The following DMD variants were observed in gnomAD, a reference collection of about 807,000 sequenced individuals.
DMD encodes the protein dystrophin.
Under a neutral mutation model 330.1 loss-of-function variants are expected in DMD, and 63 were observed. That is an observed-to-expected ratio of 0.19 (90% CI 0.16 to 0.24). DMD has a LOEUF of 0.24. DMD is among the 10% of genes least tolerant of loss of function. The probability of loss-of-function intolerance (pLI) is 1.00; values close to 1 mark genes in which losing one functional copy is unlikely to be tolerated. For synonymous variants in DMD, 1,223 were observed against 959.8 expected (o/e 1.27, Z -5.07); for missense variants, 3,344 against 2,684.1 (o/e 1.25, Z -5.43).
rs181482118 is a variant in DMD, at chrX:33,197,437, C to T, written c.31+13845G>A. The stretch of plus-strand genomic sequence containing the variant: ...GATAGACAAGTATGCACTTGTGTGA[C>T]TCTGGTGTGTGTGTGTGTGTGTTTG... On this transcript the variant is annotated intron_variant, in intron 1 of 78. Coordinates refer to ENST00000357033, the MANE Select transcript of DMD (RefSeq NM_004006.3). Among the ~76,000 whole-genome samples the T allele has an allele frequency of 4.2e-4, 46 of 110,777 alleles. No homozygotes were observed. The East Asian group carries it at 0.012, about 29-fold the overall frequency.
chrX:33,212,562 GAC>G (rs751121075), upstream of DMD, among the ~76,000 whole-genome samples: 1 of 111,686 alleles, frequency 9.0e-6, no homozygotes, highest in South Asian at 3.7e-4. Context: ...TTGTTAAAGT[GAC>G]AGACTCATTT....
chrX:33,042,873 C>A (rs2094323866), intron 1 of DMD, among the ~76,000 whole-genome samples: 3 of 111,628 alleles, frequency 2.7e-5, no homozygotes, highest in African/African-American at 9.8e-5. Context: ...CTGAAACACA[C>A]AACTTGGATG....
chrX:32,533,407 T>A (rs2047657331), intron 17 of DMD, among the ~76,000 whole-genome samples: 1 of 112,054 alleles, frequency 8.9e-6, no homozygotes, highest in South Asian at 3.7e-4. Context: ...TTTGTTCGCA[T>A]ACAGGCTTTC....
intron 7 of DMD, among the ~76,000 whole-genome samples, chrX:32,709,609 T>A (rs950990852): frequency 2.7e-5 from 3 of 111,042 alleles, no homozygotes; most frequent in African/African-American, 9.8e-5. Context: ...CCGAAGGCCA[T>A]TTTACACCTC....
chrX:31,830,139 G>A (rs2092989226), intron 49 of DMD, among the ~76,000 whole-genome samples: 1 of 112,566 alleles, frequency 8.9e-6, no homozygotes, highest in African/African-American at 3.2e-5. Context: ...ATTAAAAAGG[G>A]AGGCAAAGAA....
At chrX:31,739,071 A>T (rs997516659) in intron 51 of DMD, among the ~76,000 whole-genome samples, 1 of 111,875 alleles carries the variant, frequency 8.9e-6, no homozygotes, top group Admixed American at 9.5e-5. Flanking sequence ...ATTTTACATT[A>T]ATTAAAAGAG....
chrX:31,318,884 G>A (rs184681794), intron 62 of DMD, among the ~76,000 whole-genome samples: 109 of 112,100 alleles, frequency 9.7e-4, no homozygotes, highest in Middle Eastern at 4.7e-3. Context: ...CAACCACAGC[G>A]TCTTTGAAGG....
At chrX:32,352,843 C>T (rs1441563606) in intron 37 of DMD, among the ~76,000 whole-genome samples, 4 of 110,203 alleles carry the variant, frequency 3.6e-5, no homozygotes, top group Non-Finnish European at 7.6e-5. Flanking sequence ...TGTATCTCAG[C>T]TTGTGTTGCA....
At chrX:31,838,486 GTTAAC>G (rs2093252487) in intron 48 of DMD, among the ~76,000 whole-genome samples, 1 of 111,820 alleles carries the variant, frequency 8.9e-6, no homozygotes, top group African/African-American at 3.2e-5. Context: ...AAACTGACAA[GTTAAC>G]TTAAAGCACT....
intron 44 of DMD, among the ~76,000 whole-genome samples, chrX:32,036,050 G>C (rs764030049): frequency 9.0e-6 from 1 of 111,657 alleles, no homozygotes; most frequent in Non-Finnish European, 1.9e-5. Flanking sequence ...AGTGTGTTAG[G>C]GGGAGTAGAC....
At chrX:31,973,456 A>G (rs113775675) in intron 44 of DMD, among the ~76,000 whole-genome samples, 1,562 of 110,904 alleles carry the variant, frequency 0.014, 34 homozygotes, top group African/African-American at 0.049. Context: ...GAGAAGGACA[A>G]GAATCCAGTC....
intron 44 of DMD, among the ~76,000 whole-genome samples, chrX:31,974,365 T>A: frequency 9.0e-6 from 1 of 111,250 alleles, no homozygotes; most frequent in East Asian, 2.8e-4. Flanking sequence ...AACCTCAGCA[T>A]CATGCGCTAT....
At chrX:31,723,090 T>C (rs2085704156) in intron 52 of DMD, among the ~76,000 whole-genome samples, 1 of 107,382 alleles carries the variant, frequency 9.3e-6, no homozygotes, top group African/African-American at 3.4e-5. Flanking sequence ...TGCTTCTATA[T>C]TGTAAGTTGG....
At chrX:32,847,285 C>G (rs1372784997) in intron 3 of DMD, among the ~76,000 whole-genome samples, 1 of 111,737 alleles carries the variant, frequency 8.9e-6, no homozygotes, top group Non-Finnish European at 1.9e-5. Flanking sequence ...ATAGTCTACT[C>G]TTTTAAAAAG....
chrX:33,276,292 T>G (rs1310899980), intron 1 of DMD, among the ~76,000 whole-genome samples: 4 of 111,159 alleles, frequency 3.6e-5, no homozygotes. Context: ...AGGAAACACA[T>G]GAAGAGGCTG....
At chrX:32,466,934 C>T (rs1603634165) in intron 23 of DMD, among the ~76,000 whole-genome samples, 2 of 111,166 alleles carry the variant, frequency 1.8e-5, no homozygotes, top group East Asian at 2.8e-4. Context: ...ATTAAATTTC[C>T]GGCAATTTGT....
At chrX:31,710,296 G>C (rs998992170) in intron 52 of DMD, among the ~76,000 whole-genome samples, 2 of 111,711 alleles carry the variant, frequency 1.8e-5, no homozygotes, top group African/African-American at 6.5e-5. Flanking sequence ...GATAATAGGA[G>C]AGTGAAGGTA....
At chrX:32,162,755 T>C (rs1396216362) in intron 44 of DMD, among the ~76,000 whole-genome samples, 2 of 107,823 alleles carry the variant, frequency 1.9e-5, no homozygotes, top group Non-Finnish European at 3.8e-5. Flanking sequence ...TTTTTTTGTA[T>C]TTTTAGTAGA....
intron 55 of DMD, among the ~76,000 whole-genome samples, chrX:31,516,688 G>A (rs757003418): frequency 5.4e-5 from 6 of 111,698 alleles, no homozygotes; most frequent in African/African-American, 1.9e-4. Flanking sequence ...TGTTATTAAA[G>A]TCCTCAGAGA....
Sources: gnomAD v4.1 joint callset for allele counts (sites outside exome capture counted in the v4.1 genomes callset) on GRCh38, gnomAD v4.1.1 for gene constraint, MANE v1.5 for transcripts, NCBI Gene and HGNC (gene_info 2026-07-23, HGNC 2026-07-21) for gene names.